SLC9B1: variants seen among roughly 807,000 people sequenced by gnomAD.
The protein encoded by SLC9B1 is solute carrier family 9 member B1.
Under a neutral mutation model 51.7 loss-of-function variants are expected in SLC9B1, and 32 were observed. The observed-to-expected ratio is 0.62, with a 90% CI of 0.47 to 0.83. The LOEUF (loss-of-function observed/expected upper bound fraction) is 0.83. Among genes scored for constraint, SLC9B1 ranks in the 40% least tolerant of loss-of-function variants. SLC9B1 has a pLI of 0.00. For missense variants in SLC9B1, 406 were observed against 613.2 expected (o/e 0.66, Z 3.57); for synonymous variants, 145 against 212.7 (o/e 0.68, Z 2.77).
intron 11 of SLC9B1, among the ~76,000 whole-genome samples, chr4:102,894,003 A>G (rs967713625): frequency 6.6e-6 from 1 of 152,244 alleles, no homozygotes; most frequent in Non-Finnish European, 1.5e-5. Context: ...TGCAACAACA[A>G]AAAAGAGTAA....
intron 11 of SLC9B1, among the ~76,000 whole-genome samples, chr4:102,904,431 C>G (rs1265220416): frequency 6.9e-6 from 1 of 144,370 alleles, no homozygotes; most frequent in African/African-American, 2.7e-5. Context: ...CTCCAATTTT[C>G]AGATATATTC....
At chr4:103,004,021 G>A (rs2110532836) in intron 1 of SLC9B1, among the ~76,000 whole-genome samples, 1 of 152,256 alleles carries the variant, frequency 6.6e-6, no homozygotes, top group African/African-American at 2.4e-5. Context: ...AAGAACTCTG[G>A]CAACTCAAGA....
At chr4:102,896,869 T>C (rs1464124687), downstream of SLC9B1, 3 of 152,898 alleles carry the variant, frequency 2.0e-5, no homozygotes, top group East Asian at 5.8e-4. Context: ...CTTTGTTGGA[T>C]TAAGTCTTGT....
chr4:102,888,421 C>T (rs1463332019), intron 11 of SLC9B1: 1 of 152,162 alleles, frequency 6.6e-6, no homozygotes, highest in Non-Finnish European at 1.5e-5. Context: ...ATGAGTTTCA[C>T]ATCCCATGCA....
intron 7 of SLC9B1, among the ~76,000 whole-genome samples, chr4:102,931,710 C>A (rs908600615): frequency 6.6e-6 from 1 of 152,132 alleles, no homozygotes; most frequent in African/African-American, 2.4e-5. Flanking sequence ...TGACCCAGCT[C>A]TGTATGTTTA....
rs1736783710 is a variant in SLC9B1 at position 102,937,526 on chromosome 4, A to G, written c.654-5227T>C. 2.0e-5 allele frequency among the ~76,000 whole-genome samples: 3 copies of G among 150,084 alleles called. No individual in the cohort carries two copies. In the South Asian group the frequency reaches 6.3e-4, roughly 32 times the overall value. On this transcript the variant is annotated intron_variant, in intron 6 of 11. Transcript: ENST00000296422. ...TGGATCACAAGGTCAAGAGATCAAG[A>G]CCATCCTGGCCAACACGGTGAAACC...
chr4:102,976,033 A>T (rs1739052558), intron 3 of SLC9B1, among the ~76,000 whole-genome samples: 1 of 152,168 alleles, frequency 6.6e-6, no homozygotes, highest in African/African-American at 2.4e-5. Flanking sequence ...AATATGGAAG[A>T]CAAGAAAGGA....
intron 1 of SLC9B1, chr4:103,014,721 C>T (rs1253348995): frequency 2.6e-5 from 4 of 152,128 alleles, no homozygotes; most frequent in Non-Finnish European, 5.9e-5. Flanking sequence ...AAGAGGCCAC[C>T]AGCCAGCCAA....
At chr4:102,993,468 T>C (rs925873082) in intron 1 of SLC9B1, among the ~76,000 whole-genome samples, 3 of 152,214 alleles carry the variant, frequency 2.0e-5, no homozygotes, top group Non-Finnish European at 4.4e-5. Flanking sequence ...CCCCTGTGGC[T>C]CTGCAGAGTT....
chr4:102,911,970 TA>T, intron 7 of SLC9B1: 1 of 191,366 alleles, frequency 5.2e-6, no homozygotes, highest in Non-Finnish European at 1.1e-5. Flanking sequence ...CCATCTCTAC[TA>T]AAAATACAAA....
chr4:102,975,637 G>A (rs1293182113), intron 3 of SLC9B1, among the ~76,000 whole-genome samples: 15 of 117,572 alleles, frequency 1.3e-4, no homozygotes, highest in South Asian at 2.7e-4. Flanking sequence ...GTGCAATATC[G>A]GCTCACTGCA....
At chr4:102,930,889 A>AT (rs1020612413) in intron 7 of SLC9B1, among the ~76,000 whole-genome samples, 33 of 152,204 alleles carry the variant, frequency 2.2e-4, no homozygotes, top group African/African-American at 7.0e-4. Context: ...GAAAAGAAAC[A>AT]TGTTTGTGAT....
intron 3 of SLC9B1, among the ~76,000 whole-genome samples, chr4:102,975,000 T>C (rs1263803942): frequency 1.3e-5 from 2 of 152,076 alleles, no homozygotes; most frequent in African/African-American, 4.8e-5. Context: ...GCAGCTTTTA[T>C]TTTATTTTAT....
At chr4:102,902,957 T>C (rs1734855858) in intron 11 of SLC9B1, among the ~76,000 whole-genome samples, 1 of 152,230 alleles carries the variant, frequency 6.6e-6, no homozygotes, top group Non-Finnish European at 1.5e-5. Context: ...TAATTTAAAA[T>C]TGAAATTTAA....
downstream of SLC9B1, among the ~76,000 whole-genome samples, chr4:102,896,550 C>A (rs1286310034): frequency 6.6e-6 from 1 of 152,120 alleles, no homozygotes; most frequent in Admixed American, 6.5e-5. Flanking sequence ...ATAAACACTG[C>A]ACAAACTTCC....
At chr4:102,955,069 G>A (rs201897329) in intron 3 of SLC9B1, among the ~76,000 whole-genome samples, 1 of 151,974 alleles carries the variant, frequency 6.6e-6, no homozygotes, top group Non-Finnish European at 1.5e-5. Flanking sequence ...GACTGGGGTT[G>A]CTCCCTGATA....
At chr4:102,925,415 G>A (rs1347467992) in intron 7 of SLC9B1, among the ~76,000 whole-genome samples, 39 of 152,072 alleles carry the variant, frequency 2.6e-4, no homozygotes, top group Non-Finnish European at 7.4e-5. Flanking sequence ...GGAGTGTGGG[G>A]AGGGAGGGGA....
intron 11 of SLC9B1, chr4:102,888,843 C>G (rs912711090): frequency 3.0e-4 from 46 of 152,352 alleles, no homozygotes; most frequent in African/African-American, 1.1e-3. Flanking sequence ...GAGTGCGTTT[C>G]TGAGACCTTG....
chr4:102,963,693 C>A (rs1417278602), intron 3 of SLC9B1, among the ~76,000 whole-genome samples: 1 of 152,112 alleles, frequency 6.6e-6, no homozygotes, highest in Non-Finnish European at 1.5e-5. Flanking sequence ...AGTTCTCCCC[C>A]AGGAAATAAT....
Sources: allele counts gnomAD v4.1 joint callset (sites outside exome capture counted in the v4.1 genomes callset), GRCh38; gene constraint gnomAD v4.1.1; transcripts MANE v1.5; gene names NCBI Gene and HGNC (gene_info 2026-07-23, HGNC 2026-07-21).